BTN3A1: variants seen among roughly 807,000 people sequenced by gnomAD.
BTN3A1 encodes the protein butyrophilin subfamily 3 member A1.
In BTN3A1, 24 loss-of-function variants were observed where a neutral mutation model predicts 43.0. The ratio of observed to expected loss-of-function variants is 0.56; its 90% CI spans 0.40 to 0.78. The LOEUF is 0.78. Among genes scored for constraint, BTN3A1 ranks in the 30% least tolerant of loss-of-function variants. The probability of loss-of-function intolerance (pLI) is 0.00; values close to 1 mark genes in which losing one functional copy is unlikely to be tolerated. For synonymous variants in BTN3A1, 181 were observed against 234.7 expected, an observed-to-expected ratio of 0.77 and a Z score of 2.09; for missense variants, 533 against 626.2, an observed-to-expected ratio of 0.85 and a Z score of 1.59.
chr6:26,409,763 C>T (rs372598750), intron 5 of BTN3A1, 30 bp downstream of exon 5: 2 of 1,580,020 alleles, frequency 1.3e-6, no homozygotes, highest in Admixed American at 3.6e-5. Context: ...TATCTGAGCC[C>T]CTGGCTTACG....
chr6:26,410,147 A>G (rs1264257286), intron 7 of BTN3A1, 115 bp downstream of exon 7: 2 of 1,325,366 alleles, frequency 1.5e-6, no homozygotes, highest in Middle Eastern at 1.8e-4. Context: ...CCCTTTGACT[A>G]AGGAAAGAAA....
chr6:26,413,114 C>T, intron 9 of BTN3A1, 55 bp from the exon 10 acceptor site: 1 of 1,562,020 alleles, frequency 6.4e-7, no homozygotes, highest in Non-Finnish European at 8.7e-7. Context: ...TGCTGAGGCT[C>T]TGAAATCCAG....
intron 1 of BTN3A1, among the ~76,000 whole-genome samples, chr6:26,404,929 G>A (rs1488166234): frequency 6.6e-6 from 1 of 152,196 alleles, no homozygotes; most frequent in Admixed American, 6.5e-5. Flanking sequence ...GGCCCCTTGT[G>A]GGTGCTTGGT....
intron 3 of BTN3A1, 56 bp from the exon 4 acceptor site, chr6:26,407,615 G>A (rs945710675): frequency 1.8e-5 from 29 of 1,572,072 alleles, no homozygotes; most frequent in Non-Finnish European, 2.3e-5. Flanking sequence ...GATTCCTTTT[G>A]AGACCCTCTC....
rs1762310083 is a variant in BTN3A1 at position 26,413,929 on chromosome 6, C to T, written c.*237C>T. 2 of 675,288 alleles carry T rather than the reference C, an allele frequency of 3.0e-6. No individual in the cohort carries two copies. Among genetic ancestry groups the T allele is most frequent in the Non-Finnish European group, 4.8e-6 (2 of 418,512 alleles). 41.8% of individuals were successfully genotyped at this position (675,288 alleles called of 1,614,324 possible). The stretch of plus-strand genomic sequence containing the variant: ...GATACTCATTCAATTATTCATATGA[C>T]AGTTGTTTGAGTTTGGTACCATCTT... On this transcript the variant is annotated 3_prime_UTR_variant, in exon 10 of 10. Coordinates refer to ENST00000289361, the MANE Select transcript of BTN3A1 (RefSeq NM_007048.6).
chr6:26,411,630 A>T (rs1762224144), intron 9 of BTN3A1, 49 bp downstream of exon 9: 35 of 1,586,310 alleles, frequency 2.2e-5, no homozygotes, highest in Non-Finnish European at 2.9e-5. Flanking sequence ...GAGGGACTAT[A>T]TTCCTTTTTC....
At chr6:26,409,946 T>G (rs772410679) in intron 6 of BTN3A1, 32 bp downstream of exon 6, 2 of 1,614,252 alleles carry the variant, frequency 1.2e-6, no homozygotes, top group South Asian at 2.2e-5. Context: ...GACCCAGGCA[T>G]GTCTTCCTGT....
In BTN3A1 at chr6:26,409,841, T is replaced by C. The variant is rs537082119; in HGVS notation, c.917-53T>C. On this transcript the variant is annotated intron_variant, in intron 5 of 9. Transcript: ENST00000289361. Reference sequence around the variant, plus strand: ...TCAGTTGCTTTTAAGGTTAATTTTTTAGAAAACCCCCTCACCTGTAACAGT... The same window carrying C: ...TCAGTTGCTTTTAAGGTTAATTTTTCAGAAAACCCCCTCACCTGTAACAGT... The C allele has an allele frequency of 9.0e-5, 146 of 1,613,774 alleles. 1 individual carries two copies. Among genetic ancestry groups the C allele is most frequent in the African/African-American group, 7.6e-4 (57 of 74,982 alleles).
intron 3 of BTN3A1, among the ~76,000 whole-genome samples, chr6:26,406,851 G>A (rs1762037213): frequency 6.6e-6 from 1 of 152,198 alleles, no homozygotes; most frequent in Non-Finnish European, 1.5e-5. Flanking sequence ...TATAGACTTT[G>A]GCCTCTGCTC....
chr6:26,411,974 C>G (rs1247854300), intron 9 of BTN3A1: 1 of 228,890 alleles, frequency 4.4e-6, no homozygotes, highest in Non-Finnish European at 8.4e-6. Context: ...ACTGTCAGTG[C>G]CTTCTCAAAA....
At position 26,411,097 on chromosome 6, in the gene BTN3A1, T is replaced by C; in HGVS notation, c.965-12T>C. The C allele has an allele frequency of 1.2e-6, 2 of 1,606,030 alleles. No homozygotes were observed. Among genetic ancestry groups the C allele is most frequent in the South Asian group, 2.2e-5 (2 of 89,708 alleles). On this transcript the variant is annotated splice_polypyrimidine_tract_variant and intron_variant, in intron 7 of 9. Coordinates refer to ENST00000289361, the MANE Select transcript of BTN3A1 (RefSeq NM_007048.6). ...AAGTTCAGGTGACATCTCTATCTTT[T>C]TTTCATTGTAGGGGGAGAGAGACAT... is the stretch of plus-strand genomic sequence containing the variant.
intron 3 of BTN3A1, 104 bp from the exon 4 acceptor site, chr6:26,407,567 T>G: frequency 4.9e-5 from 68 of 1,385,910 alleles, no homozygotes; most frequent in Non-Finnish European, 5.9e-5. Context: ...AGCTCTAAAA[T>G]GAAATTGTTC....
chr6:26,405,723 T>A, intron 2 of BTN3A1, 75 bp downstream of exon 2: 1 of 1,591,698 alleles, frequency 6.3e-7, no homozygotes. Flanking sequence ...TTTGACTCCT[T>A]CCCAAACCTG....
At chr6:26,403,107 C>A (rs1261379823) in intron 1 of BTN3A1, among the ~76,000 whole-genome samples, 1 of 152,130 alleles carries the variant, frequency 6.6e-6, no homozygotes, top group Non-Finnish European at 1.5e-5. Flanking sequence ...GCTCTATCAC[C>A]CAGGCTGGAG....
At chr6:26,411,025 A>AT in intron 7 of BTN3A1, 84 bp from the exon 8 acceptor site, 1 of 796,992 alleles carries the variant, frequency 1.3e-6, no homozygotes, top group Non-Finnish European at 2.0e-6. Context: ...AAAAAAAAAG[A>AT]TTAGATGGAT....
intron 1 of BTN3A1, among the ~76,000 whole-genome samples, chr6:26,404,865 G>C (rs1296124696): frequency 6.6e-6 from 1 of 152,204 alleles, no homozygotes; most frequent in Admixed American, 6.5e-5. Flanking sequence ...GAATCTTAGA[G>C]CCTTTACTTA....
At chr6:26,411,000 T>TAA (rs1170183887) in intron 7 of BTN3A1, 109 bp from the exon 8 acceptor site, 12,844 of 357,846 alleles carry the variant, frequency 0.036, 423 homozygotes, top group Non-Finnish European at 0.043. Context: ...ATACAGGTGG[T>TAA]AAAAAAAAAA....
intron 4 of BTN3A1, among the ~76,000 whole-genome samples, chr6:26,408,771 A>T (rs1385529896): frequency 6.6e-6 from 1 of 152,244 alleles, no homozygotes. Flanking sequence ...ATACCACTCA[A>T]CTGTGAAAGA....
Position 26,413,756 on chromosome 6 carries a change from C to T in BTN3A1, c.*64C>T, listed in dbSNP as rs1762304741. ...GATCATTCCCTAGAGACACCAGTAA[C>T]CCCGGGCTTAGCTAACGAAAGTGGG... On this transcript the variant is annotated 3_prime_UTR_variant, in exon 10 of 10. Coordinates refer to ENST00000289361, the MANE Select transcript of BTN3A1 (RefSeq NM_007048.6). The T allele has an allele frequency of 6.2e-7, 1 of 1,605,162 alleles. No individual in the cohort carries two copies. The highest frequency in any genetic ancestry group is 1.1e-5 in the South Asian group (1 of 91,072).
Sources: allele counts gnomAD v4.1 joint callset (sites outside exome capture counted in the v4.1 genomes callset), GRCh38; gene constraint gnomAD v4.1.1; transcripts MANE v1.5; gene names NCBI Gene and HGNC (gene_info 2026-07-23, HGNC 2026-07-21).